PCDH11X: variants seen among roughly 807,000 people sequenced by gnomAD.
PCDH11X encodes the protein protocadherin-11 X-linked.
In PCDH11X, 18 loss-of-function variants were observed where a neutral mutation model predicts 53.3. The ratio of observed to expected loss-of-function variants is 0.34; its 90% CI spans 0.23 to 0.50. The LOEUF (loss-of-function observed/expected upper bound fraction) is 0.50. Ranked by LOEUF, PCDH11X falls within the 20% of genes least tolerant of loss-of-function variation. The pLI, the probability that PCDH11X is intolerant of heterozygous loss-of-function variation, is 0.98. For missense variants in PCDH11X, 570 were observed against 1,032.4 expected (o/e 0.55, Z 6.14); for synonymous variants, 279 against 393.3 (o/e 0.71, Z 3.44).
chrX:91,949,195 A>C (rs1488216691), intron 6 of PCDH11X, among the ~76,000 whole-genome samples: 1 of 110,127 alleles, frequency 9.1e-6, no homozygotes, highest in Non-Finnish European at 1.9e-5. Context: ...GTAAGAAGCT[A>C]TTATGATCTT....
At chrX:92,152,892 G>A (rs183991115) in intron 6 of PCDH11X, among the ~76,000 whole-genome samples, 1 of 109,377 alleles carries the variant, frequency 9.1e-6, no homozygotes, top group African/African-American at 3.3e-5. Context: ...CCGCCTCCCA[G>A]GTTCAAGTGC....
chrX:92,082,469 AT>A (rs2063874675), intron 6 of PCDH11X, among the ~76,000 whole-genome samples: 2 of 111,625 alleles, frequency 1.8e-5, no homozygotes, highest in African/African-American at 6.5e-5. Flanking sequence ...AATACGGAGT[AT>A]TTAAAAATGA....
rs182893285 is a variant in PCDH11X, at chrX:92,594,976, C to G, written c.3368-23288C>G. ...GCATATTTCTCTCTCCCTGATTTCT[C>G]CAGAACTTGAAAACTATTTCCAAGT... On this transcript the variant is annotated intron_variant, in intron 10 of 10. Coordinates refer to ENST00000682573, the MANE Select transcript of PCDH11X (RefSeq NM_032968.5). 1.1e-3 allele frequency among the ~76,000 whole-genome samples: 119 copies of G among 110,065 alleles called. 9 individuals carry two copies. The East Asian group carries it at 0.015, about 13-fold the overall frequency.
intron 6 of PCDH11X, among the ~76,000 whole-genome samples, chrX:91,986,800 C>A (rs1304187972): frequency 9.2e-6 from 1 of 108,803 alleles, no homozygotes; most frequent in Non-Finnish European, 1.9e-5. Flanking sequence ...TCTCAAGGAC[C>A]TTAACCTTAA....
At chrX:92,152,441 C>T (rs1017787539) in intron 6 of PCDH11X, among the ~76,000 whole-genome samples, 31 of 111,677 alleles carry the variant, frequency 2.8e-4, no homozygotes, top group African/African-American at 1.0e-3. Context: ...TCTTGTATAG[C>T]TTCAGTTATC....
intron 6 of PCDH11X, among the ~76,000 whole-genome samples, chrX:92,094,015 C>G (rs1406063002): frequency 9.1e-6 from 1 of 110,481 alleles, no homozygotes; most frequent in Non-Finnish European, 1.9e-5. Context: ...AGTCCTAAAT[C>G]TAGCTGTTTT....
chrX:92,401,106 C>T (rs5984180), intron 9 of PCDH11X, among the ~76,000 whole-genome samples: 2,015 of 107,686 alleles, frequency 0.019, 50 homozygotes, highest in East Asian at 0.095. Flanking sequence ...TCACATCTTA[C>T]AATAGCACCA....
At chrX:92,467,433 T>C (rs1418920669) in intron 9 of PCDH11X, among the ~76,000 whole-genome samples, 2 of 111,350 alleles carry the variant, frequency 1.8e-5, no homozygotes, top group Non-Finnish European at 1.9e-5. Context: ...ATAATGGATA[T>C]TATTAAATAA....
intron 1 of PCDH11X, among the ~76,000 whole-genome samples, chrX:91,782,762 A>T (rs1935196116): frequency 9.0e-6 from 1 of 111,569 alleles, no homozygotes; most frequent in Non-Finnish European, 1.9e-5. Flanking sequence ...ATGATGCAGG[A>T]ATAGGTTTCT....
At chrX:92,343,962 GT>G (rs575703247) in intron 8 of PCDH11X, among the ~76,000 whole-genome samples, 30 of 103,928 alleles carry the variant, frequency 2.9e-4, no homozygotes, top group African/African-American at 6.6e-4. Flanking sequence ...TTATACAAAC[GT>G]TTTTTTTTTT....
intron 8 of PCDH11X, among the ~76,000 whole-genome samples, chrX:92,336,762 T>A (rs1242911763): frequency 9.0e-6 from 1 of 111,655 alleles, no homozygotes; most frequent in Non-Finnish European, 1.9e-5. Flanking sequence ...TGTAGCTGCA[T>A]CTCTTTCAGT....
intron 6 of PCDH11X, among the ~76,000 whole-genome samples, chrX:92,064,264 A>T (rs1202429842): frequency 7.4e-5 from 8 of 108,534 alleles, no homozygotes; most frequent in African/African-American, 2.7e-4. Context: ...ACACATTTGC[A>T]TTGGCAGCAG....
intron 10 of PCDH11X, among the ~76,000 whole-genome samples, chrX:92,604,273 T>C (rs948576660): frequency 5.5e-5 from 6 of 109,926 alleles, no homozygotes; most frequent in Non-Finnish European, 9.5e-5. Flanking sequence ...GCAATGTAGT[T>C]ATTGAATTTT....
intron 9 of PCDH11X, among the ~76,000 whole-genome samples, chrX:92,442,618 T>C (rs2072539985): frequency 1.8e-5 from 2 of 108,373 alleles, no homozygotes; most frequent in East Asian, 3.0e-4. Context: ...TTGCCCAGTT[T>C]TGAGTATGTC....
rs536954828 is a variant in PCDH11X, at chrX:92,121,142, G to A, written c.3034-80233G>A. Among the ~76,000 whole-genome samples, 24 of 106,931 alleles carry A rather than the reference G, an allele frequency of 2.2e-4. No individual in the cohort carries two copies. In the South Asian group the frequency reaches 0.01, roughly 47 times the overall value. 92.9% of individuals were successfully genotyped at this position (106,931 alleles called of 115,157 possible). On this transcript the variant is annotated intron_variant, in intron 6 of 10. Coordinates refer to ENST00000682573, the MANE Select transcript of PCDH11X (RefSeq NM_032968.5). ...AATCATAGCTTCTAAAATTTTTTTT[G>A]TTTTGTTTTTTGTCTTTTTTCTTTT...
chrX:92,563,283 G>A (rs1921034477), intron 10 of PCDH11X, among the ~76,000 whole-genome samples: 1 of 108,152 alleles, frequency 9.2e-6, no homozygotes. Context: ...GGAGAGAGGT[G>A]CAACACACTT....
chrX:92,525,495 G>A (rs1397243781), intron 10 of PCDH11X, among the ~76,000 whole-genome samples: 1 of 108,923 alleles, frequency 9.2e-6, no homozygotes, highest in Non-Finnish European at 1.9e-5. Context: ...GCCAGGAGTG[G>A]TGGTGCATGC....
At chrX:92,002,546 C>A (rs189633758) in intron 6 of PCDH11X, among the ~76,000 whole-genome samples, 75 of 105,293 alleles carry the variant, frequency 7.1e-4, no homozygotes, top group African/African-American at 2.6e-3. Flanking sequence ...AATTTTTTTT[C>A]CATTTATTGG....
chrX:92,247,386 C>T (rs2067371470), intron 7 of PCDH11X, among the ~76,000 whole-genome samples: 1 of 111,814 alleles, frequency 8.9e-6, no homozygotes, highest in African/African-American at 3.2e-5. Flanking sequence ...ATGGAACAAC[C>T]CATTTTCTGA....
Sources: gnomAD v4.1 joint callset for allele counts (sites outside exome capture counted in the v4.1 genomes callset) on GRCh38, gnomAD v4.1.1 for gene constraint, MANE v1.5 for transcripts, NCBI Gene and HGNC (gene_info 2026-07-23, HGNC 2026-07-21) for gene names.